Variants in SLC44A5 observed in about 807,000 individuals in gnomAD.
The protein encoded by SLC44A5 is choline transporter-like protein 5.
Under a neutral mutation model 101.8 loss-of-function variants are expected in SLC44A5, and 57 were observed. That is an observed-to-expected ratio of 0.56 (90% CI 0.45 to 0.70). The LOEUF is 0.70. Ranked by LOEUF, SLC44A5 falls within the 30% of genes least tolerant of loss-of-function variation. SLC44A5 has a pLI of 0.00. For synonymous variants in SLC44A5, 281 were observed against 290.9 expected (o/e 0.97, Z 0.35); for missense variants, 737 against 853.1 (o/e 0.86, Z 1.70).
At chr1:75,308,076 G>C (rs1214996628) in intron 4 of SLC44A5, among the ~76,000 whole-genome samples, 1 of 152,032 alleles carries the variant, frequency 6.6e-6, no homozygotes, top group Non-Finnish European at 1.5e-5. Flanking sequence ...AGAAGTGTTG[G>C]TTTTGTAGGA....
intron 2 of SLC44A5, among the ~76,000 whole-genome samples, chr1:75,501,778 G>C (rs985319286): frequency 6.6e-6 from 1 of 152,144 alleles, no homozygotes; most frequent in Admixed American, 6.6e-5. Context: ...CTTATCTGAT[G>C]AATTGTTATC....
At chr1:75,294,818 T>C (rs1653835616) in intron 5 of SLC44A5, among the ~76,000 whole-genome samples, 1 of 152,092 alleles carries the variant, frequency 6.6e-6, no homozygotes. Context: ...ATATGTGAAA[T>C]CTAAAATACT....
intron 1 of SLC44A5, among the ~76,000 whole-genome samples, chr1:75,543,814 C>A (rs1671497174): frequency 6.6e-6 from 1 of 151,664 alleles, no homozygotes; most frequent in Non-Finnish European, 1.5e-5. Context: ...ATTGTACTGA[C>A]AAATAATACT....
At chr1:75,511,448 T>C (rs182210069) in intron 2 of SLC44A5, among the ~76,000 whole-genome samples, 177 of 151,662 alleles carry the variant, frequency 1.2e-3, no homozygotes, top group Non-Finnish European at 1.7e-3. Flanking sequence ...TAAAAGCACA[T>C]GTGATTTTTA....
chr1:75,404,784 T>G (rs1047113542), intron 2 of SLC44A5, among the ~76,000 whole-genome samples: 8 of 152,162 alleles, frequency 5.3e-5, no homozygotes, highest in African/African-American at 1.9e-4. Context: ...AGACACTACA[T>G]CAACTAATGG....
At chr1:75,471,532 CA>C (rs1667112336) in intron 2 of SLC44A5, among the ~76,000 whole-genome samples, 1 of 152,070 alleles carries the variant, frequency 6.6e-6, no homozygotes, top group Non-Finnish European at 1.5e-5. Flanking sequence ...TCAATCATGG[CA>C]GGGGGAAAGC....
intron 22 of SLC44A5, among the ~76,000 whole-genome samples, 187 bp downstream of exon 22, chr1:75,213,518 G>A (rs1646900096): frequency 6.6e-6 from 1 of 152,060 alleles, no homozygotes; most frequent in Non-Finnish European, 1.5e-5. Flanking sequence ...CACCATGTGA[G>A]GATACAGGAG....
At chr1:75,401,209 G>T (rs980396105) in intron 2 of SLC44A5, among the ~76,000 whole-genome samples, 3 of 152,168 alleles carry the variant, frequency 2.0e-5, no homozygotes. Flanking sequence ...ATGTCCAGAG[G>T]CTTATTATTT....
Position 75,541,643 on chromosome 1 carries a change from G to A in SLC44A5, c.-69-127C>T, listed in dbSNP as rs530563416. On this transcript the variant is annotated intron_variant, in intron 1 of 23. Coordinates refer to ENST00000370859, the MANE Select transcript of SLC44A5 (RefSeq NM_001130058.2). ...CTCTCCCCAAAAACTCAGAGAATTA[G>A]CCTAATTCTCTTCTACACATAAAAT... The A allele has an allele frequency of 5.7e-5, 30 of 526,506 alleles. 1 individual carries two copies. In the East Asian group the frequency reaches 7.7e-4, roughly 13 times the overall value. The allele number at this position is 526,506 out of a possible 1,614,324, so 32.6% of individuals were successfully genotyped here. A position where few individuals can be genotyped will look rare whatever the true frequency, so the allele number is the denominator to read the frequency against.
intron 6 of SLC44A5, among the ~76,000 whole-genome samples, chr1:75,267,719 T>C (rs1172676799): frequency 6.6e-6 from 1 of 151,990 alleles, no homozygotes; most frequent in Non-Finnish European, 1.5e-5. Flanking sequence ...AGCTAATTTT[T>C]TAAAATTTTT....
intron 4 of SLC44A5, among the ~76,000 whole-genome samples, chr1:75,310,781 G>A (rs1174001784): frequency 6.6e-6 from 1 of 152,062 alleles, no homozygotes; most frequent in Non-Finnish European, 1.5e-5. Context: ...ATTCAAGTAA[G>A]TTAAACTGAG....
chr1:75,245,696 A>T (rs1649045535), intron 7 of SLC44A5, among the ~76,000 whole-genome samples: 1 of 152,140 alleles, frequency 6.6e-6, no homozygotes, highest in African/African-American at 2.4e-5. Context: ...TGCAACACAT[A>T]AAAGAAAGTA....
chr1:75,281,643 C>T (rs1041196336), intron 5 of SLC44A5, among the ~76,000 whole-genome samples: 4 of 106,820 alleles, frequency 3.7e-5, no homozygotes, highest in Admixed American at 9.2e-5. Context: ...CAGGCCCCCC[C>T]CCCCCCCCGC....
chr1:75,504,709 AGCCTG>A (rs1383307154), intron 2 of SLC44A5, among the ~76,000 whole-genome samples: 1 of 152,152 alleles, frequency 6.6e-6, no homozygotes, highest in Non-Finnish European at 1.5e-5. Context: ...TCATTGTGGA[AGCCTG>A]TCATTAAAGT....
the SLC44A5 span, among the ~76,000 whole-genome samples, chr1:75,692,636 A>G: frequency 6.6e-6 from 1 of 152,166 alleles, no homozygotes; most frequent in African/African-American, 2.4e-5. Flanking sequence ...AGAGCAGGAG[A>G]TAGTCCTCTT....
Position 75,260,832 on chromosome 1 carries a change from C to A in SLC44A5, c.261-9538G>T, listed in dbSNP as rs990710005. On this transcript the variant is annotated intron_variant, in intron 6 of 23. Transcript: ENST00000370859. ...AAATCATAACAAACAGTCTCTCAGA[C>A]CACAGTGCAATCAAATTAGAACTCA... is the stretch of plus-strand genomic sequence containing the variant. Among the ~76,000 whole-genome samples, 2 of 152,114 alleles carry A rather than the reference C, an allele frequency of 1.3e-5. 1 individual carries two copies. Among genetic ancestry groups the A allele is most frequent in the African/African-American group, 4.8e-5 (2 of 41,390 alleles).
chr1:75,261,987 C>T (rs544124443), intron 6 of SLC44A5, among the ~76,000 whole-genome samples: 16 of 151,754 alleles, frequency 1.1e-4, no homozygotes, highest in African/African-American at 2.9e-4. Context: ...ATTGATGGAA[C>T]GTATCTCAAA....
the SLC44A5 span, among the ~76,000 whole-genome samples, chr1:75,674,593 T>G: frequency 0.018 from 2,385 of 134,014 alleles, 69 homozygotes; most frequent in African/African-American, 0.064. Flanking sequence ...TTGGTGAGAC[T>G]GGTTTCGAAC....
chr1:75,287,370 G>A (rs1386508514), intron 5 of SLC44A5, among the ~76,000 whole-genome samples: 1 of 132,014 alleles, frequency 7.6e-6, no homozygotes, highest in East Asian at 2.4e-4. Context: ...CTGTAAGTTG[G>A]TATTCACCTT....
Sources: gnomAD v4.1 joint callset for allele counts (sites outside exome capture counted in the v4.1 genomes callset) on GRCh38, gnomAD v4.1.1 for gene constraint, MANE v1.5 for transcripts, NCBI Gene and HGNC (gene_info 2026-07-23, HGNC 2026-07-21) for gene names.